GDPD4: variants seen among roughly 807,000 people sequenced by gnomAD.
GDPD4 encodes glycerophosphodiester phosphodiesterase 6.
Under a neutral mutation model 67.8 loss-of-function variants are expected in GDPD4, and 60 were observed. The ratio of observed to expected loss-of-function variants is 0.88; its 90% CI spans 0.72 to 1.10. GDPD4 has a LOEUF of 1.10. GDPD4 is among the 50% of genes least tolerant of loss of function. GDPD4 has a pLI of 0.00. For synonymous variants in GDPD4, 212 were observed against 210.9 expected (o/e 1.00, Z -0.04); for missense variants, 623 against 613.9 (o/e 1.01, Z -0.16).
intron 16 of GDPD4, among the ~76,000 whole-genome samples, chr11:77,226,153 A>G (rs550543543): frequency 6.6e-6 from 1 of 152,208 alleles, no homozygotes; most frequent in East Asian, 1.9e-4. Flanking sequence ...TCTTTTATCT[A>G]GGTTTATATA....
At chr11:77,258,672 A>T in intron 10 of GDPD4, 130 bp from the exon 11 acceptor site, 2 of 738,954 alleles carry the variant, frequency 2.7e-6, no homozygotes, top group Non-Finnish European at 4.6e-6. Context: ...CTCAAATCTT[A>T]GAAAAGGGCT....
intron 1 of GDPD4, among the ~76,000 whole-genome samples, chr11:77,294,433 A>C (rs1421398322): frequency 1.3e-5 from 2 of 152,228 alleles, no homozygotes; most frequent in African/African-American, 4.8e-5. Context: ...CAGGATCTGC[A>C]TGCTGAAAAC....
At position 77,233,168 on chromosome 11, in the gene GDPD4, A is replaced by G. The variant is rs1210153282; in HGVS notation, c.1246T>C (p.Tyr416His). The G allele has an allele frequency of 2.5e-6, 4 of 1,613,320 alleles. No individual in the cohort carries two copies. In the Admixed American group the frequency reaches 6.7e-5, roughly 27 times the overall value. Residue 416 changes from tyrosine to histidine, a missense_variant, in exon 14 of 17, where the codon TAT (tyrosine) becomes CAT (histidine). Coordinates refer to ENST00000315938, the MANE Select transcript of GDPD4 (RefSeq NM_182833.3). ...KKLFPNGLRD[Y>H]KAANIHINVY... ...TTGATATGGATGTTAGCTGCTTTAT[A>G]ATCTCTGGAACAAAAACAGAACCCA...
intron 16 of GDPD4, among the ~76,000 whole-genome samples, chr11:77,218,440 G>A (rs1360394684): frequency 6.6e-6 from 1 of 152,130 alleles, no homozygotes; most frequent in Non-Finnish European, 1.5e-5. Flanking sequence ...TGCACAATGT[G>A]CAGGTTTGTT....
chr11:77,220,924 G>C (rs1276030966), intron 16 of GDPD4, among the ~76,000 whole-genome samples: 1 of 151,948 alleles, frequency 6.6e-6, no homozygotes, highest in African/African-American at 2.4e-5. Context: ...TCTGAATTCG[G>C]GTGGGTAACC....
At chr11:77,284,618 C>T (rs1036529945) in intron 3 of GDPD4, among the ~76,000 whole-genome samples, 4 of 152,070 alleles carry the variant, frequency 2.6e-5, no homozygotes, top group Non-Finnish European at 4.4e-5. Context: ...GAAAAGGGTA[C>T]TGGAAAGGGA....
In GDPD4 at chr11:77,299,856, G is replaced by C. The variant is rs375688217; in HGVS notation, c.-254+1749C>G. Among the ~76,000 whole-genome samples, 6 of 152,242 alleles carry C rather than the reference G, an allele frequency of 3.9e-5. No individual in the cohort carries two copies. In the South Asian group the frequency reaches 1.2e-3, roughly 32 times the overall value. On this transcript the variant is annotated intron_variant, in intron 1 of 16. Coordinates refer to ENST00000315938, the MANE Select transcript of GDPD4 (RefSeq NM_182833.3). ...ACACAAAGAATGTAACTAAGGGAAG[G>C]GTGAACAGTTGGAGTCAAATAATAC...
At chr11:77,264,928 A>C (rs1959171395) in intron 10 of GDPD4, among the ~76,000 whole-genome samples, 1 of 152,148 alleles carries the variant, frequency 6.6e-6, no homozygotes, top group Admixed American at 6.6e-5. Context: ...TTATATTTAT[A>C]AAGGAAATTT....
chr11:77,216,616 G>A lies in GDPD4; in HGVS notation c.*661C>T, dbSNP rs1013996573. ...TCACTCCTTTAGCAGAAAATATTAT[G>A]GAGGTGTTAGGATGAGATAAACCTG... On this transcript the variant is annotated 3_prime_UTR_variant, in exon 17 of 17. Transcript: ENST00000315938. The A allele has an allele frequency of 1.4e-5, 5 of 367,766 alleles. No individual in the cohort carries two copies. The highest frequency in any genetic ancestry group is 3.5e-5 in the South Asian group (1 of 28,878). The allele number at this position is 367,766 out of a possible 1,614,324, so 22.8% of individuals were successfully genotyped here.
At chr11:77,221,519 A>T (rs1450902126) in intron 16 of GDPD4, among the ~76,000 whole-genome samples, 1 of 152,174 alleles carries the variant, frequency 6.6e-6, no homozygotes, top group Non-Finnish European at 1.5e-5. Flanking sequence ...CAGGTTGTTC[A>T]GTTTCCATGT....
At chr11:77,236,619 T>C (rs1463328851) in intron 13 of GDPD4, among the ~76,000 whole-genome samples, 2 of 152,090 alleles carry the variant, frequency 1.3e-5, no homozygotes, top group Non-Finnish European at 2.9e-5. Context: ...TTAGATAAGA[T>C]TAATTACCTT....
chr11:77,256,162 G>T (rs2135856543), intron 11 of GDPD4, among the ~76,000 whole-genome samples: 1 of 152,300 alleles, frequency 6.6e-6, no homozygotes, highest in East Asian at 1.9e-4. Flanking sequence ...AATTTTAGGA[G>T]TAAGTTTAAT....
intron 13 of GDPD4, among the ~76,000 whole-genome samples, chr11:77,235,007 C>CTTT (rs1406558580): frequency 6.1e-5 from 2 of 32,918 alleles, no homozygotes; most frequent in South Asian, 1.6e-3. Context: ...TTGTCAATAT[C>CTTT]TGTTTTTTTT....
intron 13 of GDPD4, among the ~76,000 whole-genome samples, chr11:77,236,732 ACAC>A (rs1565513650): frequency 7.3e-5 from 11 of 151,552 alleles, no homozygotes; most frequent in African/African-American, 1.9e-4. Context: ...AGAAGGAAAC[ACAC>A]ACACACACAC....
intron 12 of GDPD4, among the ~76,000 whole-genome samples, chr11:77,244,153 C>G (rs1463440813): frequency 6.6e-6 from 1 of 152,104 alleles, no homozygotes; most frequent in African/African-American, 2.4e-5. Flanking sequence ...GTAGCTGGGA[C>G]TACAGGCGCC....
At chr11:77,295,237 C>T (rs1303282781) in intron 1 of GDPD4, among the ~76,000 whole-genome samples, 7 of 151,888 alleles carry the variant, frequency 4.6e-5, no homozygotes, top group Non-Finnish European at 8.8e-5. Flanking sequence ...ATCTGCCCGC[C>T]TCAGCCTCCC....
At chr11:77,236,491 G>A (rs1958570204) in intron 13 of GDPD4, among the ~76,000 whole-genome samples, 1 of 151,910 alleles carries the variant, frequency 6.6e-6, no homozygotes, top group African/African-American at 2.4e-5. Context: ...TTGTTTATAA[G>A]AGATGCACTT....
chr11:77,230,894 T>C (rs1361849157), intron 14 of GDPD4, among the ~76,000 whole-genome samples: 1 of 152,174 alleles, frequency 6.6e-6, no homozygotes, highest in East Asian at 1.9e-4. Flanking sequence ...TGTGAGAACT[T>C]TGAAAAGTCC....
chr11:77,276,344 G>GTA, intron 4 of GDPD4, 124 bp from the exon 5 acceptor site: 1 of 743,972 alleles, frequency 1.3e-6, no homozygotes, highest in Admixed American at 2.1e-5. Context: ...TGCTATACCT[G>GTA]TACTTTATTT....
Sources: allele counts gnomAD v4.1 joint callset (sites outside exome capture counted in the v4.1 genomes callset), GRCh38; gene constraint gnomAD v4.1.1; transcripts MANE v1.5; gene names NCBI Gene and HGNC (gene_info 2026-07-23, HGNC 2026-07-21).